Variants in ASB15 observed in about 807,000 individuals in gnomAD.
ASB15 encodes ankyrin repeat and SOCS box containing 15.
A neutral mutation model predicts 58.0 loss-of-function variants in ASB15; 54 were observed. That is an observed-to-expected ratio of 0.93 (90% confidence interval 0.75 to 1.17). The LOEUF is 1.17. Among genes scored for constraint, ASB15 ranks in the 50% most tolerant of loss-of-function variants. The probability of loss-of-function intolerance (pLI) is 0.00; values close to 1 mark genes in which losing one functional copy is unlikely to be tolerated. For missense variants in ASB15, 680 were observed against 707.4 expected (o/e 0.96, Z 0.44); for synonymous variants, 249 against 262.4 (o/e 0.95, Z 0.50).
chr7:123,587,764 T>C (rs888253229), intron 1 of ASB15, among the ~76,000 whole-genome samples: 5 of 151,828 alleles, frequency 3.3e-5, no homozygotes, highest in African/African-American at 1.2e-4. Flanking sequence ...TTGATATTTG[T>C]CAAATACTTT....
chr7:123,593,107 T>C (rs991849913), intron 1 of ASB15, among the ~76,000 whole-genome samples: 9 of 152,152 alleles, frequency 5.9e-5, no homozygotes, highest in African/African-American at 1.9e-4. Flanking sequence ...GCTTTTTTTT[T>C]ACTTTCCATT....
upstream of ASB15, among the ~76,000 whole-genome samples, chr7:123,599,995 G>A (rs1412217922): frequency 6.6e-6 from 1 of 152,060 alleles, no homozygotes; most frequent in African/African-American, 2.4e-5. Context: ...ATGTGGAAGC[G>A]ATTACTAGCA....
At chr7:123,621,532 T>A (rs1263944740) in intron 7 of ASB15, 2 of 152,224 alleles carry the variant, frequency 1.3e-5, no homozygotes, top group African/African-American at 4.8e-5. Flanking sequence ...ATCCCTTAAC[T>A]TGTAGAGGAG....
intron 7 of ASB15, among the ~76,000 whole-genome samples, chr7:123,623,935 G>A (rs1255521975): frequency 2.7e-3 from 12 of 4,396 alleles, no homozygotes; most frequent in Admixed American, 3.8e-3. Context: ...AGAAAGAAAA[G>A]AAAGAAAGAA....
chr7:123,588,642 A>T (rs1584738118), intron 1 of ASB15, among the ~76,000 whole-genome samples: 4 of 113,452 alleles, frequency 3.5e-5, no homozygotes, highest in Non-Finnish European at 3.7e-5. Context: ...TTCTTTTTCT[A>T]GTTGTTTGAG....
Position 123,629,851 on chromosome 7 carries a change from G to A in ASB15, c.1441-115G>A, listed in dbSNP as rs992922165. 6.3e-6 allele frequency: 5 copies of A among 798,986 alleles called. No individual in the cohort carries two copies. In the Admixed American group the frequency reaches 8.3e-5, roughly 13 times the overall value. 49.5% of individuals were successfully genotyped at this position (798,986 alleles called of 1,614,324 possible). ...TATTTTTAATTTTTGTTCATTACAA[G>A]GAGAGATCTTTTATTTTCTGTAGTA... On this transcript the variant is annotated intron_variant, in intron 10 of 11. Coordinates refer to ENST00000451215, the MANE Select transcript of ASB15 (RefSeq NM_001290258.2).
chr7:123,626,404 G>A (rs1016903850), intron 8 of ASB15, among the ~76,000 whole-genome samples: 10 of 152,066 alleles, frequency 6.6e-5, no homozygotes, highest in East Asian at 1.9e-4. Flanking sequence ...CCCAGGAGGC[G>A]GAGGCTGCAG....
rs753264445 is a variant in ASB15, at chr7:123,624,756, A to T, written c.639A>T (p.Pro213=). ...VHLRDGFGVT[P]LGVAAEYGHC... ...TGAGAGATGGATTTGGAGTCACACC[A>T]CTAGGCGTCGCTGCCGAGTATGGTC... The change falls in exon 8 of 12, where the codon CCA becomes CCT. Residue 213 remains proline, a synonymous_variant. Coordinates refer to ENST00000451215, the MANE Select transcript of ASB15 (RefSeq NM_001290258.2). 15 of 1,613,946 alleles carry T rather than the reference A, an allele frequency of 9.3e-6. No homozygotes were observed. The South Asian group carries it at 1.3e-4, about 14-fold the overall frequency.
At chr7:123,607,122 T>A (rs1209731574) in intron 2 of ASB15, among the ~76,000 whole-genome samples, 1 of 152,250 alleles carries the variant, frequency 6.6e-6, no homozygotes, top group African/African-American at 2.4e-5. Flanking sequence ...TATTTCACAA[T>A]GTATACATAT....
At chr7:123,599,229 T>C (rs1799795556), upstream of ASB15, among the ~76,000 whole-genome samples, 5 of 151,836 alleles carry the variant, frequency 3.3e-5, no homozygotes, top group South Asian at 1.0e-3. Flanking sequence ...AATAAGAGGA[T>C]AACTTAAAAA....
At chr7:123,584,152 C>T (rs1300145214) in intron 1 of ASB15, among the ~76,000 whole-genome samples, 1 of 151,664 alleles carries the variant, frequency 6.6e-6, no homozygotes. Flanking sequence ...ATTAACCTGC[C>T]TACTTAACCT....
chr7:123,594,799 G>T (rs909769078), intron 1 of ASB15, among the ~76,000 whole-genome samples: 1 of 152,196 alleles, frequency 6.6e-6, no homozygotes. Flanking sequence ...CATGCTGGGA[G>T]AACCACTGCT....
intron 11 of ASB15, 71 bp downstream of exon 11, chr7:123,630,190 C>A: frequency 8.4e-7 from 1 of 1,188,886 alleles, no homozygotes; most frequent in African/African-American, 1.5e-5. Flanking sequence ...TTAATGTCTT[C>A]TTTGATACTT....
At chr7:123,591,609 T>A (rs1329442993) in intron 1 of ASB15, among the ~76,000 whole-genome samples, 2 of 152,166 alleles carry the variant, frequency 1.3e-5, no homozygotes, top group Admixed American at 1.3e-4. Context: ...ATTTATTGAT[T>A]TGTGTATAAT....
intron 3 of ASB15, among the ~76,000 whole-genome samples, chr7:123,610,430 A>G (rs533539483): frequency 1.3e-5 from 2 of 152,354 alleles, no homozygotes; most frequent in South Asian, 2.1e-4. Context: ...TTACATGATC[A>G]CCAAAGTTCC....
At chr7:123,581,146 G>A (rs937655536) in intron 1 of ASB15, among the ~76,000 whole-genome samples, 2 of 151,840 alleles carry the variant, frequency 1.3e-5, no homozygotes, top group African/African-American at 4.8e-5. Context: ...TCTTTGCGGA[G>A]GAGGAGGTGT....
intron 7 of ASB15, among the ~76,000 whole-genome samples, chr7:123,619,459 C>T (rs1471316836): frequency 6.6e-6 from 1 of 152,056 alleles, no homozygotes; most frequent in Admixed American, 6.6e-5. Context: ...GGTGTTCTGC[C>T]CCGATACAGT....
intron 11 of ASB15, among the ~76,000 whole-genome samples, chr7:123,631,869 G>C (rs966640239): frequency 2.0e-5 from 3 of 152,118 alleles, no homozygotes; most frequent in African/African-American, 7.2e-5. Flanking sequence ...ACGAGGTCAG[G>C]AGATCGAGAC....
intron 10 of ASB15, 124 bp downstream of exon 10, chr7:123,629,558 A>C: frequency 1.1e-6 from 1 of 879,020 alleles, no homozygotes; most frequent in Non-Finnish European, 1.7e-6. Context: ...TTGTTTTTTC[A>C]ATTTTTGTAT....
Sources: allele counts gnomAD v4.1 joint callset (sites outside exome capture counted in the v4.1 genomes callset), GRCh38; gene constraint gnomAD v4.1.1; transcripts MANE v1.5; gene names NCBI Gene and HGNC (gene_info 2026-07-23, HGNC 2026-07-21).